TENM3: variants seen among roughly 807,000 people sequenced by gnomAD.
The protein encoded by TENM3 is teneurin-3.
TENM3 carries 63 observed loss-of-function variants against 255.1 expected under a neutral mutation model. That is an observed-to-expected ratio of 0.25 (90% CI 0.20 to 0.30). The LOEUF (loss-of-function observed/expected upper bound fraction) is 0.30, where lower values mean the gene tolerates loss of function less well. TENM3 is among the 10% of genes least tolerant of loss of function. The pLI, the probability that TENM3 is intolerant of heterozygous loss-of-function variation, is 1.00. For synonymous variants in TENM3, 1,306 were observed against 1,322.3 expected (o/e 0.99, Z 0.27); for missense variants, 2,929 against 3,461.1 (o/e 0.85, Z 3.86).
At chr4:182,546,525 TCATGGG>T (rs2151911521) in intron 3 of TENM3, among the ~76,000 whole-genome samples, 1 of 152,248 alleles carries the variant, frequency 6.6e-6, no homozygotes, top group East Asian at 1.9e-4. Context: ...AGCCTCAACC[TCATGGG>T]CTCGAGCAAT....
chr4:182,425,825 T>C (rs1473109724), intron 3 of TENM3, among the ~76,000 whole-genome samples: 1 of 151,892 alleles, frequency 6.6e-6, no homozygotes, highest in South Asian at 2.1e-4. Flanking sequence ...CTGACCAACA[T>C]GGTGAAACCC....
intron 19 of TENM3, among the ~76,000 whole-genome samples, chr4:182,750,900 A>G (rs1468066008): frequency 4.6e-5 from 7 of 152,302 alleles, no homozygotes; most frequent in Admixed American, 1.3e-4. Context: ...CATGTACAAG[A>G]TTACATTAAT....
the TENM3 span, among the ~76,000 whole-genome samples, chr4:182,004,245 G>A: frequency 1.3e-5 from 2 of 152,112 alleles, no homozygotes; most frequent in Non-Finnish European, 2.9e-5. Context: ...AAGCCCTGGT[G>A]TGTGTTGTTC....
the TENM3 span, among the ~76,000 whole-genome samples, chr4:181,896,694 G>A: frequency 6.6e-6 from 1 of 152,152 alleles, no homozygotes; most frequent in African/African-American, 2.4e-5. Context: ...GGAAGACCAG[G>A]GCTCCCTTCT....
At chr4:181,519,699 G>A in the TENM3 span, among the ~76,000 whole-genome samples, 1 of 152,036 alleles carries the variant, frequency 6.6e-6, no homozygotes, top group Non-Finnish European at 1.5e-5. Context: ...TTTCACTTAC[G>A]GAAATGAAAA....
At chr4:182,220,605 A>G (rs566825130) in intron 1 of TENM3, among the ~76,000 whole-genome samples, 133 of 152,290 alleles carry the variant, frequency 8.7e-4, no homozygotes, top group Middle Eastern at 3.4e-3. Flanking sequence ...GAAACTGCGC[A>G]GAGAAGGTTC....
the TENM3 span, among the ~76,000 whole-genome samples, chr4:181,713,708 A>G: frequency 6.6e-6 from 1 of 152,286 alleles, no homozygotes; most frequent in Admixed American, 6.5e-5. Context: ...AGATATCCCT[A>G]TACTTTCTTC....
intron 24 of TENM3, among the ~76,000 whole-genome samples, chr4:182,781,181 T>G (rs1453341451): frequency 1.3e-5 from 2 of 151,790 alleles, no homozygotes; most frequent in Admixed American, 1.3e-4. Flanking sequence ...CAGTATGATA[T>G]TGGCTGTGGG....
the TENM3 span, among the ~76,000 whole-genome samples, chr4:181,530,783 A>G: frequency 6.6e-6 from 1 of 152,160 alleles, no homozygotes. Context: ...TCGTTGGAGG[A>G]GTAAATGTGT....
the TENM3 span, among the ~76,000 whole-genome samples, chr4:181,869,346 T>C: frequency 6.6e-6 from 1 of 152,188 alleles, no homozygotes; most frequent in Non-Finnish European, 1.5e-5. Context: ...TTATCTTTAA[T>C]TATGTAAATC....
the TENM3 span, among the ~76,000 whole-genome samples, chr4:181,536,769 G>A: frequency 6.6e-6 from 1 of 152,166 alleles, no homozygotes; most frequent in Non-Finnish European, 1.5e-5. Flanking sequence ...GCTCTAGTGT[G>A]CAGAATTATT....
chr4:181,640,386 T>A, the TENM3 span, among the ~76,000 whole-genome samples: 1 of 152,130 alleles, frequency 6.6e-6, no homozygotes, highest in Non-Finnish European at 1.5e-5. Context: ...AGAAATTTAG[T>A]TTCTTCCAGG....
the TENM3 span, among the ~76,000 whole-genome samples, chr4:181,521,821 G>T: frequency 6.6e-6 from 1 of 152,236 alleles, no homozygotes; most frequent in East Asian, 1.9e-4. Context: ...TGTGGGCCGG[G>T]TGTGGTGGCT....
At chr4:181,936,184 G>A in the TENM3 span, among the ~76,000 whole-genome samples, 1 of 152,136 alleles carries the variant, frequency 6.6e-6, no homozygotes, top group Admixed American at 6.6e-5. Flanking sequence ...CTGAGGTCAG[G>A]AGTTCGAGAC....
the TENM3 span, among the ~76,000 whole-genome samples, chr4:181,668,152 A>G: frequency 6.6e-6 from 1 of 152,202 alleles, no homozygotes; most frequent in East Asian, 1.9e-4. Flanking sequence ...TGGATGGATG[A>G]ATATATGAAT....
chr4:182,740,280 G>A (rs1761504538), intron 18 of TENM3, among the ~76,000 whole-genome samples: 1 of 152,196 alleles, frequency 6.6e-6, no homozygotes, highest in Non-Finnish European at 1.5e-5. Context: ...CATTGAAAAG[G>A]TGGGACTCCT....
chr4:181,448,081 G>A, the TENM3 span, among the ~76,000 whole-genome samples: 1 of 149,248 alleles, frequency 6.7e-6, no homozygotes, highest in Non-Finnish European at 1.5e-5. Context: ...CCTTACCATC[G>A]TATTTCTTTT....
At chr4:181,473,949 A>G in the TENM3 span, among the ~76,000 whole-genome samples, 1 of 151,038 alleles carries the variant, frequency 6.6e-6, no homozygotes, top group African/African-American at 2.4e-5. Flanking sequence ...TATACTGTGT[A>G]TAAAAATTAC....
the TENM3 span, among the ~76,000 whole-genome samples, chr4:181,916,934 G>A: frequency 6.6e-6 from 1 of 152,024 alleles, no homozygotes; most frequent in African/African-American, 2.4e-5. Context: ...AATGGATTAT[G>A]TCTAAGTAAC....
Sources: gnomAD v4.1 joint callset for allele counts (sites outside exome capture counted in the v4.1 genomes callset) on GRCh38, gnomAD v4.1.1 for gene constraint, MANE v1.5 for transcripts, NCBI Gene and HGNC (gene_info 2026-07-23, HGNC 2026-07-21) for gene names.